Variants in EYA3 observed in about 807,000 individuals in gnomAD.
EYA3 encodes the protein protein phosphatase EYA3.
Under a neutral mutation model 80.0 loss-of-function variants are expected in EYA3, and 39 were observed. The ratio of observed to expected loss-of-function variants is 0.49; its 90% CI spans 0.38 to 0.64. The LOEUF (loss-of-function observed/expected upper bound fraction) is 0.64. Among genes scored for constraint, EYA3 ranks in the 30% least tolerant of loss-of-function variants. EYA3 has a pLI of 0.00. For missense variants in EYA3, 523 were observed against 676.1 expected, an observed-to-expected ratio of 0.77 and a Z score of 2.51; for synonymous variants, 206 against 232.8, an observed-to-expected ratio of 0.88 and a Z score of 1.05.
rs201864693 is a variant in EYA3, at chr1:28,017,124, C to T, written c.585+30G>A. The T allele has an allele frequency of 1.7e-5, 27 of 1,575,434 alleles. No homozygotes were observed. In the African/African-American group the frequency reaches 3.4e-4, roughly 20 times the overall value. ...AAAGAGCAAGCTGGATGAACTCTAT[C>T]AAACAGGATGAACAAAGGTAGCATC... On this transcript the variant is annotated intron_variant, in intron 8 of 17. Transcript: ENST00000373871.
chr1:28,025,549 G>T (rs960671899), intron 7 of EYA3, among the ~76,000 whole-genome samples: 1 of 152,188 alleles, frequency 6.6e-6, no homozygotes, highest in East Asian at 1.9e-4. Flanking sequence ...TTGGGTTGTT[G>T]TGAGGATTAC....
chr1:28,003,270 A>AAACAACAACAAC (rs139958121), intron 11 of EYA3, among the ~76,000 whole-genome samples: 6 of 145,818 alleles, frequency 4.1e-5, no homozygotes, highest in Admixed American at 6.9e-5. Flanking sequence ...ACTCCGTCTC[A>AAACAACAACAAC]AACAACAACA....
At chr1:28,060,431 A>G (rs1180621237) in intron 1 of EYA3, among the ~76,000 whole-genome samples, 7 of 152,216 alleles carry the variant, frequency 4.6e-5, no homozygotes, top group Non-Finnish European at 1.0e-4. Context: ...ATTAGTATAA[A>G]TGGTGGGGAT....
At chr1:28,062,223 A>C (rs1644656540) in intron 1 of EYA3, among the ~76,000 whole-genome samples, 2 of 152,190 alleles carry the variant, frequency 1.3e-5, no homozygotes, top group Non-Finnish European at 2.9e-5. Context: ...AGAGCTTGTC[A>C]GTATTCATTT....
At position 28,038,540 on chromosome 1, in the gene EYA3, A is replaced by G. The variant is rs192564487; in HGVS notation, c.224+299T>C. 2.9e-3 allele frequency among the ~76,000 whole-genome samples: 443 copies of G among 152,032 alleles called. 2 individuals are homozygous for G. Among genetic ancestry groups the G allele is most frequent in the African/African-American group, 9.9e-3 (412 of 41,450 alleles). ...TGCTATATGTCAAGGTACAGGACAG[A>G]GAAAATGATCAGAGGTCAATCAATG... On this transcript the variant is annotated intron_variant, in intron 5 of 17. Coordinates refer to ENST00000373871, the MANE Select transcript of EYA3 (RefSeq NM_001990.4).
In EYA3 at chr1:27,997,388, G is replaced by C. The variant is rs777328698; in HGVS notation, c.1084-10C>G. The C allele has an allele frequency of 3.1e-6, 5 of 1,613,044 alleles. No homozygotes were observed. In the East Asian group the frequency reaches 1.1e-4, roughly 36 times the overall value. Reference sequence around the variant, plus strand: ...GTACCTGGTCACACTCCTGTTAAAAGACAAAACATATTACTTCAGTCCAGG... The same window carrying C: ...GTACCTGGTCACACTCCTGTTAAAACACAAAACATATTACTTCAGTCCAGG... On this transcript the variant is annotated splice_polypyrimidine_tract_variant and intron_variant, in intron 12 of 17. Coordinates refer to ENST00000373871, the MANE Select transcript of EYA3 (RefSeq NM_001990.4).
chr1:28,038,466 C>CAAAAAAAAAA (rs1643589508), intron 5 of EYA3, among the ~76,000 whole-genome samples: 1 of 92,634 alleles, frequency 1.1e-5, no homozygotes, highest in Non-Finnish European at 2.2e-5. Context: ...AAAAAAAAAC[C>CAAAAAAAAAA]GAACACAGAT....
At chr1:28,023,014 C>T (rs966090004) in intron 7 of EYA3, among the ~76,000 whole-genome samples, 3 of 149,246 alleles carry the variant, frequency 2.0e-5, no homozygotes, top group Admixed American at 1.3e-4. Context: ...GATAATAGGA[C>T]TTGAATAAGT....
At chr1:28,019,123 G>A (rs933768161) in intron 7 of EYA3, among the ~76,000 whole-genome samples, 9 of 151,974 alleles carry the variant, frequency 5.9e-5, no homozygotes, top group African/African-American at 1.9e-4. Flanking sequence ...CTGAGATCGC[G>A]CCACTGCACT....
rs1294497376 is a variant in EYA3 at position 28,058,078 on chromosome 1, T to C, written c.-52A>G. 9 of 1,446,366 alleles carry C rather than the reference T, an allele frequency of 6.2e-6. No individual in the cohort carries two copies. The highest frequency in any genetic ancestry group is 2.0e-5 in the Admixed American group (1 of 49,672). 89.6% of individuals were successfully genotyped at this position (1,446,366 alleles called of 1,614,324 possible). Reference sequence around the variant, plus strand: ...TATGTGACTGGATTGCAAGTCTCTCTCAGCAGTTTTCACAATCTGTTTTTA... The same window carrying C: ...TATGTGACTGGATTGCAAGTCTCTCCCAGCAGTTTTCACAATCTGTTTTTA... On this transcript the variant is annotated 5_prime_UTR_variant, in exon 2 of 18. Coordinates refer to ENST00000373871, the MANE Select transcript of EYA3 (RefSeq NM_001990.4).
chr1:28,008,033 G>A (rs1641420212), intron 10 of EYA3, among the ~76,000 whole-genome samples: 1 of 152,094 alleles, frequency 6.6e-6, no homozygotes, highest in African/African-American at 2.4e-5. Context: ...GATAGACATA[G>A]AGACGAATGA....
intron 1 of EYA3, among the ~76,000 whole-genome samples, chr1:28,080,529 ACT>A (rs1645384499): frequency 6.6e-6 from 1 of 152,086 alleles, no homozygotes. Context: ...TAGTAAAGAT[ACT>A]GTTTCAAGAA....
intron 6 of EYA3, 72 bp from the exon 7 acceptor site, chr1:28,027,998 T>C (rs1257133391): frequency 2.6e-6 from 4 of 1,532,668 alleles, no homozygotes; most frequent in Non-Finnish European, 3.6e-6. Flanking sequence ...CTTTCAAATA[T>C]CAGCCAGTAG....
At chr1:28,019,893 G>T (rs1642317233) in intron 7 of EYA3, among the ~76,000 whole-genome samples, 1 of 151,716 alleles carries the variant, frequency 6.6e-6, no homozygotes, top group African/African-American at 2.4e-5. Context: ...AGTAGAGATG[G>T]GTTTCACCAT....
At chr1:27,999,508 G>T (rs1640680271) in intron 12 of EYA3, among the ~76,000 whole-genome samples, 2 of 152,102 alleles carry the variant, frequency 1.3e-5, no homozygotes, top group African/African-American at 4.8e-5. Context: ...AAAATATGAT[G>T]GGTTAGAGTA....
In EYA3 at chr1:28,013,029, C is replaced by T; in HGVS notation, c.769+82G>A. 7.0e-7 allele frequency: 1 copy of T among 1,437,694 alleles called. No individual in the cohort carries two copies. Among genetic ancestry groups the T allele is most frequent in the Non-Finnish European group, 9.5e-7 (1 of 1,052,676 alleles). 89.1% of individuals were successfully genotyped at this position (1,437,694 alleles called of 1,614,324 possible). A position where few individuals can be genotyped will look rare whatever the true frequency, so the allele number is the denominator to read the frequency against. On this transcript the variant is annotated intron_variant, in intron 9 of 17. Transcript: ENST00000373871. This position sits in a 1 kb window ranked among gnomAD's most constrained non-coding sequence, Gnocchi z 4.0. ...ATGGTAACAATGACTTAAGACAGAA[C>T]AAAATCATCCTTACCATTGCCTAAA...
chr1:28,019,034 T>C (rs1642253397), intron 7 of EYA3, among the ~76,000 whole-genome samples: 1 of 152,082 alleles, frequency 6.6e-6, no homozygotes, highest in African/African-American at 2.4e-5. Flanking sequence ...GGTGTGATGG[T>C]GTGCACCTGT....
intron 3 of EYA3, among the ~76,000 whole-genome samples, chr1:28,047,534 T>TATGATGCAGTTACTGTGCAC (rs537393128): frequency 0.04 from 6,088 of 152,098 alleles, 140 homozygotes; most frequent in Middle Eastern, 0.054. Context: ...AGTTACTGGC[T>TATGATGCAGTTACTGTGCAC]CATATGGTTG....
chr1:28,000,846 C>T (rs1228950153), intron 11 of EYA3, among the ~76,000 whole-genome samples: 1 of 152,066 alleles, frequency 6.6e-6, no homozygotes, highest in African/African-American at 2.4e-5. Context: ...GTGGACTGCT[C>T]GAGCCCAGGA....
Sources: allele counts gnomAD v4.1 joint callset (sites outside exome capture counted in the v4.1 genomes callset), GRCh38; gene constraint gnomAD v4.1.1; non-coding constraint Gnocchi (gnomAD v3.1); transcripts MANE v1.5; gene names NCBI Gene and HGNC (gene_info 2026-07-23, HGNC 2026-07-21).